Variants in SAMD3 observed in about 807,000 individuals in gnomAD.
SAMD3 encodes sterile alpha motif domain containing 3, also known as sterile alpha motif domain-containing protein 3.
In SAMD3, 63 loss-of-function variants were observed where a neutral mutation model predicts 58.5. The ratio of observed to expected loss-of-function variants is 1.08; its 90% CI spans 0.88 to 1.33. The LOEUF (loss-of-function observed/expected upper bound fraction) is 1.33. Among genes scored for constraint, SAMD3 ranks in the 40% most tolerant of loss-of-function variants. The pLI is 0.00. For synonymous variants in SAMD3, 220 were observed against 210.3 expected, an observed-to-expected ratio of 1.05 and a Z score of -0.40; for missense variants, 604 against 608.4, an observed-to-expected ratio of 0.99 and a Z score of 0.08.
intron 4 of SAMD3, among the ~76,000 whole-genome samples, chr6:130,212,594 G>A (rs751380618): frequency 2.6e-5 from 4 of 152,210 alleles, no homozygotes; most frequent in Admixed American, 1.3e-4. Flanking sequence ...CACAACGTAC[G>A]GATGAAGAAA....
At chr6:130,183,556 C>G in intron 7 of SAMD3, 1 of 379,870 alleles carries the variant, frequency 2.6e-6, no homozygotes, top group Non-Finnish European at 5.1e-6. Context: ...TTCTATGTGT[C>G]ACATCTCCTA....
chr6:130,217,582 C>T (rs552820316), intron 1 of SAMD3, among the ~76,000 whole-genome samples: 1 of 152,266 alleles, frequency 6.6e-6, no homozygotes, highest in South Asian at 2.1e-4. Context: ...TAAATATGGG[C>T]AAGCTTTATT....
intron 2 of SAMD3, among the ~76,000 whole-genome samples, chr6:130,249,627 G>T (rs1773673362): frequency 6.6e-6 from 1 of 152,056 alleles, no homozygotes; most frequent in African/African-American, 2.4e-5. Context: ...ACTAACTGGG[G>T]CATAGCAATA....
At chr6:130,274,005 G>A (rs1272937766) in intron 2 of SAMD3, among the ~76,000 whole-genome samples, 1 of 152,050 alleles carries the variant, frequency 6.6e-6, no homozygotes, top group Admixed American at 6.6e-5. Context: ...ATATGCTTCT[G>A]TGTTGCACTT....
chr6:130,331,963 A>T (rs1367258105), intron 1 of SAMD3, among the ~76,000 whole-genome samples: 1 of 152,180 alleles, frequency 6.6e-6, no homozygotes, highest in Non-Finnish European at 1.5e-5. Context: ...GCATGCTCTG[A>T]TTTCTGCTTA....
intron 2 of SAMD3, chr6:130,215,770 G>A: frequency 7.2e-6 from 11 of 1,521,978 alleles, no homozygotes; most frequent in Non-Finnish European, 9.7e-6. Context: ...TTAGTAAACT[G>A]GTTAACCCCT....
chr6:130,183,942 C>T (rs940917801), intron 7 of SAMD3, among the ~76,000 whole-genome samples, 161 bp downstream of exon 7: 1 of 151,202 alleles, frequency 6.6e-6, no homozygotes, highest in African/African-American at 2.4e-5. Flanking sequence ...GACAAAGAGT[C>T]AGAAAAACAG....
intron 1 of SAMD3, among the ~76,000 whole-genome samples, chr6:130,335,056 C>T (rs1777059412): frequency 1.3e-5 from 2 of 152,310 alleles, no homozygotes; most frequent in South Asian, 4.1e-4. Context: ...GGGGCCAAGA[C>T]CTGACAGCAG....
At position 130,144,791 on chromosome 6, in the gene SAMD3, G is replaced by A. The variant is rs374009932; in HGVS notation, c.1292C>T (p.Thr431Ile). The part of the protein sequence containing the change: ...VIMNEQVQVS[T>I]PVLEVKNPFN... ...AGGGTTTTTAACTTCCAACACAGGT[G>A]TGGACACTTGCACCTGAAAAAAAGA... The change falls in exon 12 of 12, where the codon ACA becomes ATA. Residue 431 changes from threonine to isoleucine, a missense_variant. By Grantham distance (89) the Thr-to-Ile change is moderately conservative. Transcript: ENST00000439090. The A allele has an allele frequency of 1.2e-6, 2 of 1,611,894 alleles. No homozygotes were observed. Among genetic ancestry groups the A allele is most frequent in the Non-Finnish European group, 1.7e-6 (2 of 1,179,190 alleles).
At chr6:130,338,088 C>G (rs115111243) in intron 1 of SAMD3, among the ~76,000 whole-genome samples, 2 of 152,198 alleles carry the variant, frequency 1.3e-5, no homozygotes, top group African/African-American at 4.8e-5. Flanking sequence ...GGGCTGGGCC[C>G]AGGGCCCCCG....
chr6:130,302,058 G>T (rs1775765063), intron 2 of SAMD3, among the ~76,000 whole-genome samples: 1 of 152,084 alleles, frequency 6.6e-6, no homozygotes, highest in African/African-American at 2.4e-5. Flanking sequence ...GAATAGCAAA[G>T]GCAACAAAAC....
upstream of SAMD3, among the ~76,000 whole-genome samples, chr6:130,223,714 C>A (rs1562466058): frequency 6.6e-6 from 1 of 152,176 alleles, no homozygotes; most frequent in Non-Finnish European, 1.5e-5. Flanking sequence ...TTCTTCAGTA[C>A]CCTGCAGCTC....
chr6:130,346,923 A>G (rs1210736100), intron 1 of SAMD3, among the ~76,000 whole-genome samples: 1 of 152,184 alleles, frequency 6.6e-6, no homozygotes, highest in Non-Finnish European at 1.5e-5. Flanking sequence ...GCTGTTCACC[A>G]ATATCCGCTG....
chr6:130,363,532 G>A (rs1005351273), intron 1 of SAMD3, among the ~76,000 whole-genome samples: 1 of 152,134 alleles, frequency 6.6e-6, no homozygotes, highest in African/African-American at 2.4e-5. Context: ...CAAGTTTGAT[G>A]TGAGTGTATA....
At chr6:130,189,140 C>T (rs1330115182) in intron 5 of SAMD3, among the ~76,000 whole-genome samples, 1 of 150,722 alleles carries the variant, frequency 6.6e-6, no homozygotes, top group Non-Finnish European at 1.5e-5. Flanking sequence ...AAACTAGGCT[C>T]TCATTTTCTA....
intron 2 of SAMD3, among the ~76,000 whole-genome samples, chr6:130,299,459 A>ATAC (rs1775676006): frequency 6.6e-6 from 1 of 152,172 alleles, no homozygotes; most frequent in Non-Finnish European, 1.5e-5. Flanking sequence ...CTGGGACATA[A>ATAC]TGAAAGCAGT....
chr6:130,303,088 T>C (rs1361321951), intron 2 of SAMD3, among the ~76,000 whole-genome samples: 1 of 152,136 alleles, frequency 6.6e-6, no homozygotes. Context: ...TACCACATAT[T>C]ACTGTTCCTA....
chr6:130,298,333 T>C (rs1775637243), intron 2 of SAMD3, among the ~76,000 whole-genome samples: 1 of 152,098 alleles, frequency 6.6e-6, no homozygotes, highest in African/African-American at 2.4e-5. Flanking sequence ...AAGCAAATGC[T>C]ACGGGAATTT....
intron 8 of SAMD3, among the ~76,000 whole-genome samples, chr6:130,172,078 C>A (rs1376602374): frequency 3.3e-5 from 5 of 152,164 alleles, no homozygotes; most frequent in Non-Finnish European, 5.9e-5. Flanking sequence ...ATTCCTCCAT[C>A]CCTTTGTTTT....
Sources: allele counts gnomAD v4.1 joint callset (sites outside exome capture counted in the v4.1 genomes callset), GRCh38; gene constraint gnomAD v4.1.1; transcripts MANE v1.5; gene names NCBI Gene and HGNC (gene_info 2026-07-23, HGNC 2026-07-21).